Variants in ULK4 observed in about 807,000 individuals in gnomAD.
The protein encoded by ULK4 is unc-51 like kinase 4, also known as inactive serine/threonine-protein kinase ULK4.
A neutral mutation model predicts 160.6 loss-of-function variants in ULK4; 133 were observed. That is an observed-to-expected ratio of 0.83 (90% CI 0.72 to 0.96). The LOEUF (loss-of-function observed/expected upper bound fraction) is 0.96, where lower values mean the gene tolerates loss of function less well. Among genes scored for constraint, ULK4 ranks in the 40% least tolerant of loss-of-function variants. The pLI is 0.00. For missense variants in ULK4, 1,580 were observed against 1,499.5 expected (o/e 1.05, Z -0.89); for synonymous variants, 534 against 539.8 (o/e 0.99, Z 0.15).
chr3:41,291,974 G>A (rs1559507946), intron 35 of ULK4, among the ~76,000 whole-genome samples: 1 of 151,852 alleles, frequency 6.6e-6, no homozygotes, highest in Non-Finnish European at 1.5e-5. Flanking sequence ...GGGACTACAG[G>A]CCCCCACCAC....
At chr3:41,951,873 T>C (rs1050582662) in intron 2 of ULK4, among the ~76,000 whole-genome samples, 1 of 152,140 alleles carries the variant, frequency 6.6e-6, no homozygotes, top group African/African-American at 2.4e-5. Context: ...GGCACCATCT[T>C]TGAGAAACAG....
chr3:41,529,285 T>C (rs1203137632), intron 32 of ULK4, among the ~76,000 whole-genome samples: 1 of 152,166 alleles, frequency 6.6e-6, no homozygotes, highest in Non-Finnish European at 1.5e-5. Context: ...GGAGCAAAAC[T>C]CCTAAATTAA....
In ULK4 at chr3:41,681,547, C is replaced by G; in HGVS notation, c.2939G>C (p.Ser980Thr). 1 of 1,613,996 alleles carries G rather than the reference C, an allele frequency of 6.2e-7. No individual in the cohort carries two copies. The highest frequency in any genetic ancestry group is 8.5e-7 in the Non-Finnish European group (1 of 1,179,980). ...ATCTCGAATGAGAGCCAGAAGATTG[C>G]TGTCAGAATCAACACTGGCCTTCTC... ...GKEKASVDSD[S>T]NLLALIRDVL... Residue 980 changes from serine (S) to threonine (T), a missense_variant, in exon 29 of 37, where the codon AGC becomes ACC. Coordinates refer to ENST00000301831, the MANE Select transcript of ULK4 (RefSeq NM_017886.4).
chr3:41,311,960 ATTTATTTTAT>A (rs141914789), intron 35 of ULK4, among the ~76,000 whole-genome samples: 1 of 147,242 alleles, frequency 6.8e-6, no homozygotes, highest in Non-Finnish European at 1.5e-5. Context: ...TCTAACACAC[ATTTATTTTAT>A]TTTATTTTAT....
chr3:41,387,747 C>A (rs989650928), intron 35 of ULK4, among the ~76,000 whole-genome samples: 1 of 152,156 alleles, frequency 6.6e-6, no homozygotes, highest in Non-Finnish European at 1.5e-5. Context: ...TGTATATGTG[C>A]CACATTTTCT....
chr3:41,462,495 C>T (rs200902071), intron 33 of ULK4, among the ~76,000 whole-genome samples: 417 of 152,332 alleles, frequency 2.7e-3, no homozygotes, highest in Non-Finnish European at 5.2e-3. Flanking sequence ...TCCTTCCTGC[C>T]TTACAGCATA....
chr3:41,496,379 C>G (rs947119078), intron 32 of ULK4, among the ~76,000 whole-genome samples: 2 of 151,910 alleles, frequency 1.3e-5, no homozygotes, highest in African/African-American at 4.8e-5. Flanking sequence ...AGACAAAAAG[C>G]AATATAAGAC....
chr3:41,598,196 T>G (rs923940320), intron 31 of ULK4, among the ~76,000 whole-genome samples: 4 of 152,066 alleles, frequency 2.6e-5, no homozygotes, highest in African/African-American at 9.7e-5. Flanking sequence ...CCAGACGGAG[T>G]TGGAAACACC....
intron 18 of ULK4, among the ~76,000 whole-genome samples, chr3:41,827,230 T>C (rs1471607057): frequency 6.7e-6 from 1 of 148,426 alleles, no homozygotes; most frequent in Non-Finnish European, 1.5e-5. Context: ...ATTGACACCT[T>C]AACATCACAA....
intron 25 of ULK4, among the ~76,000 whole-genome samples, chr3:41,706,853 G>A (rs56368835): frequency 0.13 from 15,118 of 119,118 alleles, 2,632 homozygotes; most frequent in African/African-American, 0.4. Context: ...AAAAATATGT[G>A]TGTGTGTGTG....
intron 2 of ULK4, among the ~76,000 whole-genome samples, chr3:41,942,331 C>T (rs1699984302): frequency 6.6e-6 from 1 of 151,978 alleles, no homozygotes; most frequent in African/African-American, 2.4e-5. Flanking sequence ...CCAGCCTGGC[C>T]AACATGATGA....
intron 1 of ULK4, chr3:41,955,427 C>T (rs1159322526): frequency 2.0e-5 from 3 of 152,282 alleles, no homozygotes; most frequent in South Asian, 2.1e-4. Context: ...CCGCTGCCGC[C>T]ATTGGAGACC....
chr3:41,349,668 G>A (rs369546912), intron 35 of ULK4, among the ~76,000 whole-genome samples: 1 of 152,032 alleles, frequency 6.6e-6, no homozygotes, highest in East Asian at 1.9e-4. Context: ...GGCAAAGTAG[G>A]GCAAAAATAG....
At chr3:41,257,451 G>A (rs2078854685) in intron 35 of ULK4, among the ~76,000 whole-genome samples, 1 of 151,986 alleles carries the variant, frequency 6.6e-6, no homozygotes, top group Admixed American at 6.6e-5. Context: ...CAGCAACATA[G>A]TGAGACCTCA....
chr3:41,604,707 A>G (rs531764064), intron 31 of ULK4, among the ~76,000 whole-genome samples: 1 of 152,252 alleles, frequency 6.6e-6, no homozygotes, highest in South Asian at 2.1e-4. Flanking sequence ...ATGGATGTTC[A>G]GCAAGTTCAC....
At chr3:41,901,068 C>T (rs116435852) in intron 12 of ULK4, among the ~76,000 whole-genome samples, 1,898 of 151,906 alleles carry the variant, frequency 0.012, 36 homozygotes, top group African/African-American at 0.041. Flanking sequence ...AACTGAATTG[C>T]TCATGTTACC....
chr3:41,932,110 C>A, intron 4 of ULK4, 104 bp from the exon 5 acceptor site: 1 of 972,348 alleles, frequency 1.0e-6, no homozygotes, highest in South Asian at 2.5e-5. Context: ...CATTGCTATT[C>A]TTTATCAGAA....
Position 41,895,539 on chromosome 3 carries a change from C to T in ULK4, c.1556G>A (p.Arg519Gln), listed in dbSNP as rs1043123386. Residue 519 changes from arginine to glutamine, a missense_variant, in exon 16 of 37, where the codon CGG (arginine) becomes CAG (glutamine). Coordinates refer to ENST00000301831, the MANE Select transcript of ULK4 (RefSeq NM_017886.4). ...PLFQLLIQHL[R>Q]IAPNWDIRAK... ...TTACATATCCCAGTTTGGAGCTATCCGCAAATGCTGGATTAGCAATTGGAA... is the reference window on the plus strand; with the variant it reads ...TTACATATCCCAGTTTGGAGCTATCTGCAAATGCTGGATTAGCAATTGGAA... 1.6e-5 allele frequency: 24 copies of T among 1,505,464 alleles called. No homozygotes were observed. The highest frequency in any genetic ancestry group is 7.1e-5 in the African/African-American group (5 of 70,270). The allele number at this position is 1,505,464 out of a possible 1,614,324, so 93.3% of individuals were successfully genotyped here. A position where few individuals can be genotyped will look rare whatever the true frequency, so the allele number is the denominator to read the frequency against.
rs969030772 is a variant in ULK4 at position 41,566,012 on chromosome 3, A to G, written c.3226+13T>C. The G allele has an allele frequency of 1.4e-5, 22 of 1,600,836 alleles. No homozygotes were observed. The highest frequency in any genetic ancestry group is 1.5e-5 in the Non-Finnish European group (18 of 1,168,768). ...CAAAACTTGATCAGAGAGTAATTCT[A>G]TGAGGCATTTACCTTGTTCATAAAG... On this transcript the variant is annotated intron_variant, in intron 32 of 36. Coordinates refer to ENST00000301831, the MANE Select transcript of ULK4 (RefSeq NM_017886.4).
Sources: gnomAD v4.1 joint callset for allele counts (sites outside exome capture counted in the v4.1 genomes callset) on GRCh38, gnomAD v4.1.1 for gene constraint, MANE v1.5 for transcripts, NCBI Gene and HGNC (gene_info 2026-07-23, HGNC 2026-07-21) for gene names.